AARSD1: variants seen among roughly 807,000 people sequenced by gnomAD.
AARSD1 encodes the protein alanyl-tRNA editing protein Aarsd1.
In AARSD1, 44 loss-of-function variants were observed where a neutral mutation model predicts 48.7. The observed-to-expected ratio is 0.90, with a 90% confidence interval of 0.71 to 1.16. The LOEUF is 1.16. AARSD1 is among the 50% of genes most tolerant of loss of function. The pLI is 0.00. For missense variants in AARSD1, 511 were observed against 523.1 expected (o/e 0.98, Z 0.23); for synonymous variants, 189 against 194.9 (o/e 0.97, Z 0.25).
At chr17:42,961,389 G>C in intron 2 of AARSD1, 38 bp from the exon 3 acceptor site, 1 of 1,612,866 alleles carries the variant, frequency 6.2e-7, no homozygotes, top group Non-Finnish European at 8.5e-7. Context: ...TGGCAAGGCA[G>C]GGCTCACCCT....
intron 3 of AARSD1, among the ~76,000 whole-genome samples, chr17:42,958,749 TAG>T (rs2049592017): frequency 6.6e-6 from 1 of 150,634 alleles, no homozygotes; most frequent in African/African-American, 2.4e-5. Flanking sequence ...GTACTTTTAG[TAG>T]AGTCAGGGTT....
Position 42,956,401 on chromosome 17 carries a change from T to C in AARSD1, c.546+3A>G. On this transcript the variant is annotated splice_donor_region_variant and intron_variant, in intron 5 of 11. Coordinates refer to ENST00000427569, the MANE Select transcript of AARSD1 (RefSeq NM_001261434.2). ...GAAACCATCCCTCTGGCTCTACCCTTACCTGCTCCACCTCAGGATCATCCA... is the reference window on the plus strand; with the variant it reads ...GAAACCATCCCTCTGGCTCTACCCTCACCTGCTCCACCTCAGGATCATCCA... The C allele has an allele frequency of 6.2e-7, 1 of 1,614,048 alleles. No individual in the cohort carries two copies. The highest frequency in any genetic ancestry group is 8.5e-7 in the Non-Finnish European group (1 of 1,180,004).
At chr17:42,952,333 C>A (rs908571494) in intron 10 of AARSD1, among the ~76,000 whole-genome samples, 4 of 152,132 alleles carry the variant, frequency 2.6e-5, no homozygotes, top group African/African-American at 9.7e-5. Context: ...TGCTCCTCCA[C>A]CTCTAGCATT....
intron 4 of AARSD1, among the ~76,000 whole-genome samples, chr17:42,956,919 G>A (rs1260628548): frequency 4.1e-5 from 6 of 147,272 alleles, no homozygotes; most frequent in East Asian, 3.9e-4. Context: ...CGCCCGCCTC[G>A]GCCTCCCAAA....
rs555322785 is a variant in AARSD1, at chr17:42,956,093, G to C, written c.663+111C>G. 118 of 1,608,430 alleles carry C rather than the reference G, an allele frequency of 7.3e-5. No homozygotes were observed. In the South Asian group the frequency reaches 1.2e-3, roughly 16 times the overall value. On this transcript the variant is annotated intron_variant, in intron 6 of 11. Transcript: ENST00000427569. ...TCCTCAGCTCTGAAACAGTGAAGGG[G>C]AGATTTCACTTAGGACTCCTCGATT...
Position 42,951,804 on chromosome 17 carries a change from G to A in AARSD1, c.1099C>T (p.Pro367Ser). 1.2e-6 allele frequency: 2 copies of A among 1,614,116 alleles called. No homozygotes were observed. The highest frequency in any genetic ancestry group is 1.7e-6 in the Non-Finnish European group (2 of 1,180,004). Reference sequence around the variant, plus strand: ...AGAGAGTCCACAAAGAATTACCTGGGCCCCAGGGTCTCCACAGACGCAGGT... The same window carrying A: ...AGAGAGTCCACAAAGAATTACCTGGACCCCAGGGTCTCCACAGACGCAGGT... ...GPPASVETLG[P>S]RVAEVLEGKG... is the part of the protein sequence containing the mutation. Residue 367 changes from proline to serine, a missense_variant, in exon 11 of 12, where the codon CCC (proline) becomes TCC (serine). Physicochemically the swap from Pro to Ser is moderately conservative, Grantham distance 74 (BLOSUM62 -1). Coordinates refer to ENST00000427569, the MANE Select transcript of AARSD1 (RefSeq NM_001261434.2).
Position 42,954,977 on chromosome 17 carries a change from A to G in AARSD1, c.862-10T>C. The G allele has an allele frequency of 6.2e-7, 1 of 1,614,148 alleles. No homozygotes were observed. The highest frequency in any genetic ancestry group is 8.5e-7 in the Non-Finnish European group (1 of 1,180,016). ...GCAGATTCAGGTTATTCTGAAATGG[A>G]TATGGTAACTCAGTAGATAAATGGA... On this transcript the variant is annotated splice_polypyrimidine_tract_variant and intron_variant, in intron 8 of 11. Coordinates refer to ENST00000427569, the MANE Select transcript of AARSD1 (RefSeq NM_001261434.2).
intron 2 of AARSD1, among the ~76,000 whole-genome samples, chr17:42,963,174 CG>C (rs751957480): frequency 1.7e-4 from 25 of 151,346 alleles, no homozygotes; most frequent in Non-Finnish European, 2.9e-4. Flanking sequence ...TTCAGCCTCC[CG>C]GTTCAAGTGA....
At chr17:42,960,344 T>C (rs2049617541) in intron 3 of AARSD1, among the ~76,000 whole-genome samples, 1 of 151,750 alleles carries the variant, frequency 6.6e-6, no homozygotes, top group Non-Finnish European at 1.5e-5. Flanking sequence ...GGCAATCAAT[T>C]AGGAAACTGT....
intron 11 of AARSD1, among the ~76,000 whole-genome samples, chr17:42,951,460 G>C (rs2049477781): frequency 6.6e-6 from 1 of 152,186 alleles, no homozygotes; most frequent in African/African-American, 2.4e-5. Flanking sequence ...GGCTGAGGCA[G>C]GAAAATTGCT....
At chr17:42,963,174 C>T (rs1201128590) in intron 2 of AARSD1, among the ~76,000 whole-genome samples, 4 of 151,230 alleles carry the variant, frequency 2.6e-5, no homozygotes, top group South Asian at 2.1e-4. Flanking sequence ...TTCAGCCTCC[C>T]GGTTCAAGTG....
intron 10 of AARSD1, 49 bp from the exon 11 acceptor site, chr17:42,951,943 T>A (rs372176046): frequency 5.6e-5 from 89 of 1,590,808 alleles, no homozygotes; most frequent in Admixed American, 2.5e-4. Flanking sequence ...GGATGTAGAG[T>A]CAACCCCCCA....
At chr17:42,956,359 T>A (rs1172485708) in intron 5 of AARSD1, 39 bp from the exon 6 acceptor site, 1 of 1,614,020 alleles carries the variant, frequency 6.2e-7, no homozygotes, top group Non-Finnish European at 8.5e-7. Context: ...CTGAATCTGA[T>A]GAGGAATCAT....
intron 6 of AARSD1, 93 bp downstream of exon 6, chr17:42,956,111 C>T: frequency 6.2e-7 from 1 of 1,610,218 alleles, no homozygotes; most frequent in Non-Finnish European, 8.5e-7. Flanking sequence ...ACTTAGGACT[C>T]CTCGATTATC....
At position 42,950,736 on chromosome 17, in the gene AARSD1, ACAGAGGTATAGTCAGGGAG is replaced by A; in HGVS notation, c.1104-27_1104-9del. 2 of 1,612,086 alleles carry A rather than the reference ACAGAGGTATAGTCAGGGAG, an allele frequency of 1.2e-6. No homozygotes were observed. The highest frequency in any genetic ancestry group is 1.7e-6 in the Non-Finnish European group (2 of 1,179,588). On this transcript the variant is annotated splice_polypyrimidine_tract_variant and intron_variant, in intron 11 of 11. Coordinates refer to ENST00000427569, the MANE Select transcript of AARSD1 (RefSeq NM_001261434.2). ...TCCAGGACCTCAGCCACCCTGGGGA[ACAGAGGTATAGTCAGGGAG>A]ACTTTGAGGGAAAAGTCACAAAAAA...
At chr17:42,953,424 T>C (rs2049505894) in intron 10 of AARSD1, among the ~76,000 whole-genome samples, 1 of 152,128 alleles carries the variant, frequency 6.6e-6, no homozygotes, top group South Asian at 2.1e-4. Context: ...GATATATTTC[T>C]AATATTGGAT....
intron 10 of AARSD1, among the ~76,000 whole-genome samples, chr17:42,952,829 T>A (rs563159488): frequency 4.6e-5 from 7 of 151,622 alleles, no homozygotes; most frequent in Admixed American, 1.3e-4. Context: ...CTTTTTTTTT[T>A]TTTTTTTGGA....
chr17:42,954,017 G>A lies in AARSD1; in HGVS notation c.954-239C>T, dbSNP rs973371954. On this transcript the variant is annotated intron_variant, in intron 9 of 11. Coordinates refer to ENST00000427569, the MANE Select transcript of AARSD1 (RefSeq NM_001261434.2). ...CCTTAAATAGGATTCACCAGGATAA[G>A]CAGAAATCTGTTAGAGAGTAAAGGA... 2.3e-4 allele frequency: 127 copies of A among 547,356 alleles called. No homozygotes were observed. In the East Asian group the frequency reaches 4.0e-3, roughly 17 times the overall value. The allele number at this position is 547,356 out of a possible 1,614,324, so 33.9% of individuals were successfully genotyped here.
In AARSD1 at chr17:42,950,526, T is replaced by C; in HGVS notation, c.*67A>G. ...ATAAATACAAGTGGTAGCGCAACCA[T>C]TCTGAGTCAATCTATTTTATTGACC... On this transcript the variant is annotated 3_prime_UTR_variant, in exon 12 of 12. Coordinates refer to ENST00000427569, the MANE Select transcript of AARSD1 (RefSeq NM_001261434.2). 2 of 1,543,332 alleles carry C rather than the reference T, an allele frequency of 1.3e-6. No individual in the cohort carries two copies. The highest frequency in any genetic ancestry group is 8.7e-7 in the Non-Finnish European group (1 of 1,143,616).
Sources: gnomAD v4.1 joint callset for allele counts (sites outside exome capture counted in the v4.1 genomes callset) on GRCh38, gnomAD v4.1.1 for gene constraint, MANE v1.5 for transcripts, NCBI Gene and HGNC (gene_info 2026-07-23, HGNC 2026-07-21) for gene names.